The following KIF14 variants were observed in gnomAD, a reference collection of about 807,000 sequenced individuals.
KIF14 encodes kinesin family member 14, also known as kinesin-like protein KIF14.
A neutral mutation model predicts 176.2 loss-of-function variants in KIF14; 98 were observed. The ratio of observed to expected loss-of-function variants is 0.56; its 90% CI spans 0.47 to 0.66. KIF14 has a LOEUF of 0.66. Ranked by LOEUF, KIF14 falls within the 30% of genes least tolerant of loss-of-function variation. KIF14 has a pLI of 0.00. For missense variants in KIF14, 1,751 were observed against 1,920.4 expected (o/e 0.91, Z 1.65); for synonymous variants, 566 against 632.2 (o/e 0.90, Z 1.57).
At position 200,600,442 on chromosome 1, in the gene KIF14, A is replaced by G; in HGVS notation, c.2214T>C (p.Pro738=). ...CTTGCCGACAGAGCCTGTATCGTTCAGGGTCAATATTCCGACTGTTTCTCT... is the reference window on the plus strand; with the variant it reads ...CTTGCCGACAGAGCCTGTATCGTTCGGGGTCAATATTCCGACTGTTTCTCT... ...AAQRNSRNID[P]ERYRLCRQEI... is the part of the protein sequence containing the mutation. Residue 738 remains proline (P), a synonymous_variant, in exon 12 of 30, where the codon CCT becomes CCC. Coordinates refer to ENST00000367350, the MANE Select transcript of KIF14 (RefSeq NM_014875.3). 1.9e-6 allele frequency: 3 copies of G among 1,613,786 alleles called. No individual in the cohort carries two copies. The highest frequency in any genetic ancestry group is 2.5e-6 in the Non-Finnish European group (3 of 1,179,702).
At chr1:200,565,715 A>C in intron 23 of KIF14, 46 bp from the exon 24 acceptor site, 1 of 1,276,390 alleles carries the variant, frequency 7.8e-7, no homozygotes, top group Non-Finnish European at 1.1e-6. Context: ...TTCAGGAATA[A>C]TACTTTCTTT....
chr1:200,575,602 A>G lies in KIF14; in HGVS notation c.3555T>C (p.Leu1185=). Residue 1185 remains leucine (L), a synonymous_variant, in exon 22 of 30, where the codon CTT becomes CTC. Coordinates refer to ENST00000367350, the MANE Select transcript of KIF14 (RefSeq NM_014875.3). ...PDITDAPVSS[L]SRRRSRSLMK... ...AAAATTGTCTTTACCTCCTTCTAGAAAGTGAAGAAACTGGTGCATCTGTAA... is the reference window on the plus strand; with the variant it reads ...AAAATTGTCTTTACCTCCTTCTAGAGAGTGAAGAAACTGGTGCATCTGTAA... 6.3e-7 allele frequency: 1 copy of G among 1,578,518 alleles called. No individual in the cohort carries two copies. The highest frequency in any genetic ancestry group is 1.2e-5 in the South Asian group (1 of 84,680).
intron 10 of KIF14, 139 bp from the exon 11 acceptor site, chr1:200,602,207 G>T: frequency 6.4e-6 from 4 of 623,650 alleles, no homozygotes; most frequent in South Asian, 2.7e-5. Flanking sequence ...AAACTTTTCT[G>T]GTATTTGTAA....
intron 18 of KIF14, 43 bp from the exon 19 acceptor site, chr1:200,586,270 CAA>C (rs1658733546): frequency 6.8e-7 from 1 of 1,464,740 alleles, no homozygotes; most frequent in Non-Finnish European, 9.1e-7. Flanking sequence ...TGAGAATATG[CAA>C]AGAGAGAAAC....
chr1:200,553,453 G>T lies in KIF14; in HGVS notation c.4882C>A (p.Leu1628Ile), dbSNP rs747782977. 4.3e-6 allele frequency: 7 copies of T among 1,613,928 alleles called. No individual in the cohort carries two copies. The Admixed American group carries it at 5.0e-5, about 12-fold the overall frequency. The change falls in exon 30 of 30, where the codon CTC becomes ATC. Residue 1628 changes from leucine to isoleucine, a missense_variant. Transcript: ENST00000367350. ...CTCACTGCTGGGGATGAGCCATGGA[G>T]CTCATAGACACGCTTTGGTACACCT... ...NKGVPKRVYE[L>I]HGSSPAVSSE...
At position 200,595,737 on chromosome 1, in the gene KIF14, T is replaced by C. The variant is rs188948048; in HGVS notation, c.2550-1968A>G. On this transcript the variant is annotated intron_variant, in intron 14 of 29. Transcript: ENST00000367350. Reference sequence around the variant, plus strand: ...GCCAAGGTGGGTGGATCACCTGAGGTCAGGAGTTCAAGACGAGCCTGGCCA... The same window carrying C: ...GCCAAGGTGGGTGGATCACCTGAGGCCAGGAGTTCAAGACGAGCCTGGCCA... Among the ~76,000 whole-genome samples the C allele has an allele frequency of 8.3e-3, 1,265 of 151,548 alleles. 18 individuals carry two copies. Among genetic ancestry groups the C allele is most frequent in the African/African-American group, 0.028 (1,159 of 41,318 alleles).
chr1:200,617,060 C>T (rs756892992), intron 2 of KIF14, among the ~76,000 whole-genome samples: 1 of 152,102 alleles, frequency 6.6e-6, no homozygotes, highest in Admixed American at 6.5e-5. Flanking sequence ...CTCTGCCTCC[C>T]GGGTTCAAGT....
At chr1:200,599,126 T>C (rs1040497971) in intron 13 of KIF14, among the ~76,000 whole-genome samples, 3 of 152,192 alleles carry the variant, frequency 2.0e-5, no homozygotes, top group Non-Finnish European at 4.4e-5. Flanking sequence ...TCAATCCATC[T>C]TATATCCTAT....
intron 12 of KIF14, 77 bp from the exon 13 acceptor site, chr1:200,600,190 A>T: frequency 5.7e-6 from 7 of 1,224,050 alleles, no homozygotes; most frequent in Non-Finnish European, 8.3e-6. Flanking sequence ...ACAATCAATG[A>T]AAATTAGGCA....
intron 18 of KIF14, among the ~76,000 whole-genome samples, chr1:200,586,814 T>C (rs1658775547): frequency 3.2e-5 from 4 of 126,220 alleles, no homozygotes; most frequent in African/African-American, 5.9e-5. Flanking sequence ...TATATATATA[T>C]ATACACCATG....
At position 200,572,586 on chromosome 1, in the gene KIF14, G is replaced by A. The variant is rs545461183; in HGVS notation, c.3567-2581C>T. Among the ~76,000 whole-genome samples the A allele has an allele frequency of 2.6e-4, 40 of 152,158 alleles. 1 individual carries two copies. Among genetic ancestry groups the A allele is most frequent in the Admixed American group, 7.8e-4 (12 of 15,290 alleles). On this transcript the variant is annotated intron_variant, in intron 22 of 29. Transcript: ENST00000367350. ...TCTCAATCTCCTGACCTTGTGATCC[G>A]CCCACCTTGGCCTCCCAAAGTGCTG... is the stretch of plus-strand genomic sequence containing the variant.
At chr1:200,611,112 C>T (rs560276956) in intron 4 of KIF14, among the ~76,000 whole-genome samples, 6 of 152,228 alleles carry the variant, frequency 3.9e-5, no homozygotes, top group African/African-American at 1.4e-4. Context: ...AACTTTGCTT[C>T]CAAACAGCTC....
intron 2 of KIF14, among the ~76,000 whole-genome samples, chr1:200,616,194 A>G (rs544461943): frequency 1.1e-4 from 17 of 151,138 alleles, no homozygotes; most frequent in African/African-American, 4.1e-4. Flanking sequence ...AAACATCATC[A>G]CTCTTTGTCT....
At chr1:200,604,625 G>A (rs558790338) in intron 8 of KIF14, among the ~76,000 whole-genome samples, 1 of 152,022 alleles carries the variant, frequency 6.6e-6, no homozygotes, top group Non-Finnish European at 1.5e-5. Context: ...TCCAACAGTA[G>A]AGAAAAACTT....
Position 200,598,300 on chromosome 1 carries a change from T to G in KIF14, c.2486A>C (p.Lys829Thr). The G allele has an allele frequency of 1.2e-6, 2 of 1,613,562 alleles. No individual in the cohort carries two copies. Among genetic ancestry groups the G allele is most frequent in the Non-Finnish European group, 8.5e-7 (1 of 1,179,770 alleles). Reference protein sequence around the residue: ...MIKEGTTTVGKYKPNSSHDIQ... With the variant: ...MIKEGTTTVGTYKPNSSHDIQ... ...ATCATGGCTTGAGTTTGGTTTATAC[T>G]TTCCAACTGTAGTTGTTCCTTCTTT... Residue 829 changes from lysine (K) to threonine (T), a missense_variant, in exon 14 of 30, where the codon AAG (lysine) becomes ACG (threonine). Physicochemically the swap from Lys to Thr is moderately conservative, Grantham distance 78. Transcript: ENST00000367350.
At chr1:200,586,652 A>G (rs1225205744) in intron 18 of KIF14, among the ~76,000 whole-genome samples, 3 of 151,314 alleles carry the variant, frequency 2.0e-5, no homozygotes, top group Non-Finnish European at 4.4e-5. Context: ...AGAGGAAAAG[A>G]AGTCATTGTA....
chr1:200,567,270 G>A (rs1437311612), intron 23 of KIF14, among the ~76,000 whole-genome samples: 3 of 151,238 alleles, frequency 2.0e-5, no homozygotes, highest in Non-Finnish European at 2.9e-5. Flanking sequence ...GGCCGGGCAC[G>A]GTGGCTCACG....
chr1:200,620,258 A>C (rs537104600), intron 1 of KIF14, among the ~76,000 whole-genome samples, 153 bp downstream of exon 1: 1 of 152,372 alleles, frequency 6.6e-6, no homozygotes, highest in African/African-American at 2.4e-5. Context: ...GATTTGCACA[A>C]ATCAATACGG....
chr1:200,575,899 A>C (rs1658076128), intron 21 of KIF14, among the ~76,000 whole-genome samples: 1 of 152,222 alleles, frequency 6.6e-6, no homozygotes, highest in Non-Finnish European at 1.5e-5. Context: ...TCTACTTTTA[A>C]TAAAAACAAT....
Sources: allele counts gnomAD v4.1 joint callset (sites outside exome capture counted in the v4.1 genomes callset), GRCh38; gene constraint gnomAD v4.1.1; transcripts MANE v1.5; gene names NCBI Gene and HGNC (gene_info 2026-07-23, HGNC 2026-07-21).